ZNF474: variants seen among roughly 807,000 people sequenced by gnomAD.
ZNF474 encodes zinc finger protein 474.
For missense variants in ZNF474, 511 were observed against 433.8 expected (o/e 1.18, Z -1.58); for synonymous variants, 192 against 162.2 (o/e 1.18, Z -1.39).
At chr5:122,143,520 A>G (rs188670146) in intron 1 of ZNF474, among the ~76,000 whole-genome samples, 45 of 152,328 alleles carry the variant, frequency 3.0e-4, no homozygotes, top group African/African-American at 1.1e-3. Context: ...TAATATATCA[A>G]TTTTAGACAC....
At chr5:122,144,063 T>C (rs1755921905) in intron 1 of ZNF474, among the ~76,000 whole-genome samples, 1 of 152,206 alleles carries the variant, frequency 6.6e-6, no homozygotes, top group Non-Finnish European at 1.5e-5. Context: ...TATTATCTTC[T>C]ATAACCCTTT....
intron 1 of ZNF474, among the ~76,000 whole-genome samples, chr5:122,149,447 T>A (rs1333551912): frequency 1.3e-5 from 2 of 152,140 alleles, no homozygotes; most frequent in African/African-American, 4.8e-5. Flanking sequence ...AAAGGAAGCA[T>A]AACAGCTGGT....
chr5:122,146,635 C>G (rs1220519568), intron 1 of ZNF474, among the ~76,000 whole-genome samples: 1 of 152,064 alleles, frequency 6.6e-6, no homozygotes, highest in Non-Finnish European at 1.5e-5. Flanking sequence ...TATTAGGTTT[C>G]CATGTGAATA....
At chr5:122,140,211 T>G (rs574404365) in intron 1 of ZNF474, among the ~76,000 whole-genome samples, 1 of 152,318 alleles carries the variant, frequency 6.6e-6, no homozygotes, top group South Asian at 2.1e-4. Flanking sequence ...AAATTCTTAT[T>G]AAAAACAGCA....
chr5:122,152,159 G>C lies in ZNF474; in HGVS notation c.169G>C (p.Asp57His), dbSNP rs770373908. Residue 57 changes from aspartate to histidine, a missense_variant, in exon 2 of 2, where the codon GAC (aspartate) becomes CAC (histidine). Coordinates refer to ENST00000296600, the MANE Select transcript of ZNF474 (RefSeq NM_207317.3). ...TAATCCTGGTGAAAATATAAAGACAGACACTCAGAAAAAGAGACCTGGGAC... is the reference window on the plus strand; with the variant it reads ...TAATCCTGGTGAAAATATAAAGACACACACTCAGAAAAAGAGACCTGGGAC... ...SVNPGENIKT[D>H]TQKKRPGTVI... is the part of the protein sequence containing the mutation. 1 of 1,614,094 alleles carries C rather than the reference G, an allele frequency of 6.2e-7. No individual in the cohort carries two copies. Among genetic ancestry groups the C allele is most frequent in the Non-Finnish European group, 8.5e-7 (1 of 1,180,030 alleles).
intron 1 of ZNF474, among the ~76,000 whole-genome samples, chr5:122,142,615 G>A (rs574384355): frequency 1.4e-4 from 22 of 152,294 alleles, no homozygotes; most frequent in African/African-American, 4.1e-4. Flanking sequence ...TGGATATCTT[G>A]TATAAGCTTT....
Position 122,152,163 on chromosome 5 carries a change from C to T in ZNF474, c.173C>T (p.Thr58Ile), listed in dbSNP as rs759139646. ...VNPGENIKTDTQKKRPGTVIL... is the reference protein window; with the variant it reads ...VNPGENIKTDIQKKRPGTVIL... Reference sequence around the variant, plus strand: ...CCTGGTGAAAATATAAAGACAGACACTCAGAAAAAGAGACCTGGGACTGTG... The same window carrying T: ...CCTGGTGAAAATATAAAGACAGACATTCAGAAAAAGAGACCTGGGACTGTG... The change falls in exon 2 of 2, where the codon ACT becomes ATT. Residue 58 changes from threonine (T) to isoleucine (I), a missense_variant. Transcript: ENST00000296600. 21 of 1,614,040 alleles carry T rather than the reference C, an allele frequency of 1.3e-5. No individual in the cohort carries two copies. The Admixed American group carries it at 3.5e-4, about 27-fold the overall frequency.
At chr5:122,144,999 AT>A (rs1240248199) in intron 1 of ZNF474, among the ~76,000 whole-genome samples, 2 of 152,258 alleles carry the variant, frequency 1.3e-5, no homozygotes, top group African/African-American at 4.8e-5. Context: ...CCTTAACAAC[AT>A]AAAATGCCTT....
At chr5:122,147,535 C>G (rs186933966) in intron 1 of ZNF474, among the ~76,000 whole-genome samples, 1 of 151,808 alleles carries the variant, frequency 6.6e-6, no homozygotes, top group Admixed American at 6.6e-5. Flanking sequence ...TCCCCCCACC[C>G]CACAACAGGC....
intron 1 of ZNF474, among the ~76,000 whole-genome samples, chr5:122,139,280 C>A (rs879897715): frequency 1.3e-5 from 2 of 152,140 alleles, no homozygotes; most frequent in East Asian, 3.9e-4. Flanking sequence ...AAGTTTTCAA[C>A]AGAGATTCCC....
At chr5:122,136,456 C>T (rs1047372477) in intron 1 of ZNF474, among the ~76,000 whole-genome samples, 1 of 152,124 alleles carries the variant, frequency 6.6e-6, no homozygotes, top group South Asian at 2.1e-4. Context: ...TTAGGCAGTG[C>T]CCCCAGCACA....
At position 122,151,772 on chromosome 5, in the gene ZNF474, T is replaced by C; in HGVS notation, c.-212-7T>C. 2.1e-6 allele frequency: 1 copy of C among 486,594 alleles called. No individual in the cohort carries two copies. Among genetic ancestry groups the C allele is most frequent in the Non-Finnish European group, 3.7e-6 (1 of 273,808 alleles). 30.1% of individuals were successfully genotyped at this position (486,594 alleles called of 1,614,324 possible). A position where few individuals can be genotyped will look rare whatever the true frequency, so the allele number is the denominator to read the frequency against. ...TAACTTCTTATGTCTCCCACCCGCC[T>C]CCACAGATCTTGGAGACATCTCAGC... On this transcript the variant is annotated splice_polypyrimidine_tract_variant and splice_region_variant and intron_variant, in intron 1 of 1. Transcript: ENST00000296600.
chr5:122,135,445 T>C (rs143726064), intron 1 of ZNF474, among the ~76,000 whole-genome samples: 1 of 152,228 alleles, frequency 6.6e-6, no homozygotes, highest in East Asian at 1.9e-4. Context: ...AAACAAGATA[T>C]CATCTCATCT....
chr5:122,153,246 G>C lies in ZNF474; in HGVS notation c.*161G>C, dbSNP rs1464779587. On this transcript the variant is annotated 3_prime_UTR_variant, in exon 2 of 2. Transcript: ENST00000296600. ...GCTGAATAGATATAAGAACATCCTT[G>C]CCTGATGGGTTCATATTCCTCTTCA... 1.2e-6 allele frequency: 1 copy of C among 822,728 alleles called. No individual in the cohort carries two copies. Among genetic ancestry groups the C allele is most frequent in the Admixed American group, 3.1e-5 (1 of 32,412 alleles). 51.0% of individuals were successfully genotyped at this position (822,728 alleles called of 1,614,324 possible).
intron 1 of ZNF474, among the ~76,000 whole-genome samples, chr5:122,144,549 T>G (rs1448386501): frequency 6.6e-6 from 1 of 152,144 alleles, no homozygotes; most frequent in East Asian, 1.9e-4. Flanking sequence ...AATTTTAAAA[T>G]AACAGGAACT....
At chr5:122,141,970 A>G (rs776206963) in intron 1 of ZNF474, among the ~76,000 whole-genome samples, 8 of 152,194 alleles carry the variant, frequency 5.3e-5, no homozygotes, top group Non-Finnish European at 1.0e-4. Context: ...CCTCACTTCT[A>G]ATGCTGCTTT....
At chr5:122,137,061 T>C (rs1280928497) in intron 1 of ZNF474, among the ~76,000 whole-genome samples, 2 of 152,164 alleles carry the variant, frequency 1.3e-5, no homozygotes, top group Non-Finnish European at 2.9e-5. Flanking sequence ...GCTGTAAAGA[T>C]GATAAACAGT....
In ZNF474 at chr5:122,153,487, G is replaced by A. The variant is rs1387862218; in HGVS notation, c.*402G>A. ...TTTTGGCAATGCTGGGTTATGCTGA[G>A]TTTATCTTACTAAAATAGAATCTGT... On this transcript the variant is annotated 3_prime_UTR_variant, in exon 2 of 2. Coordinates refer to ENST00000296600, the MANE Select transcript of ZNF474 (RefSeq NM_207317.3). 1 of 184,950 alleles carries A rather than the reference G, an allele frequency of 5.4e-6. No individual in the cohort carries two copies. Among genetic ancestry groups the A allele is most frequent in the African/African-American group, 2.4e-5 (1 of 41,960 alleles). 11.5% of individuals were successfully genotyped at this position (184,950 alleles called of 1,614,324 possible).
chr5:122,145,474 C>T (rs753393253), intron 1 of ZNF474, among the ~76,000 whole-genome samples: 2 of 152,152 alleles, frequency 1.3e-5, no homozygotes, highest in Admixed American at 6.5e-5. Context: ...CACTCCTGGT[C>T]ATCTTTGGTC....
Sources: gnomAD v4.1 joint callset for allele counts (sites outside exome capture counted in the v4.1 genomes callset) on GRCh38, gnomAD v4.1.1 for gene constraint, MANE v1.5 for transcripts, NCBI Gene and HGNC (gene_info 2026-07-23, HGNC 2026-07-21) for gene names.